Variants in SH3BP4 observed in about 807,000 individuals in gnomAD.
The protein encoded by SH3BP4 is SH3 domain binding protein 4.
In SH3BP4, 33 loss-of-function variants were observed where a neutral mutation model predicts 65.5. The ratio of observed to expected loss-of-function variants is 0.50; its 90% CI spans 0.38 to 0.67. The LOEUF is 0.67. Among genes scored for constraint, SH3BP4 ranks in the 30% least tolerant of loss-of-function variants. The pLI is 0.00. For missense variants in SH3BP4, 1,134 were observed against 1,261.4 expected, an observed-to-expected ratio of 0.90 and a Z score of 1.53; for synonymous variants, 552 against 545.5, an observed-to-expected ratio of 1.01 and a Z score of -0.17.
At position 235,041,828 on chromosome 2, in the gene SH3BP4, G is replaced by A; in HGVS notation, c.1059G>A (p.Gln353=). The change falls in exon 4 of 6, where the codon CAG becomes CAA. Residue 353 remains glutamine (Q), a synonymous_variant. Transcript: ENST00000392011. The surrounding 1 kb of genome is among the most constrained non-coding windows in gnomAD (Gnocchi z 6.0). ...ACGTCGCCCCTGGGGAGACCCAGCA[G>A]ATCTCCATGAAAGCCCTGCTGGACC... ...EGHVAPGETQ[Q]ISMKALLDPP... 1.9e-6 allele frequency: 3 copies of A among 1,600,804 alleles called. No homozygotes were observed. Among genetic ancestry groups the A allele is most frequent in the Non-Finnish European group, 2.6e-6 (3 of 1,172,528 alleles).
intron 1 of SH3BP4, among the ~76,000 whole-genome samples, chr2:234,957,791 G>T (rs1692621755): frequency 1.3e-5 from 2 of 152,012 alleles, no homozygotes; most frequent in Admixed American, 6.5e-5. Flanking sequence ...AGCTGAGGGG[G>T]TGCAGTTTGG....
intron 1 of SH3BP4, among the ~76,000 whole-genome samples, chr2:234,989,013 A>G (rs1369295655): frequency 6.6e-6 from 1 of 152,128 alleles, no homozygotes; most frequent in Non-Finnish European, 1.5e-5. Flanking sequence ...ATACGTTGTC[A>G]GTGTGTAAGT....
Position 235,042,955 on chromosome 2 carries a change from T to C in SH3BP4, c.2186T>C (p.Leu729Pro), listed in dbSNP as rs1025650535. Residue 729 changes from leucine (L) to proline (P), a missense_variant, in exon 4 of 6, where the codon CTG becomes CCG. Physicochemically the swap from Leu to Pro is moderately conservative, Grantham distance 98. Coordinates refer to ENST00000392011, the MANE Select transcript of SH3BP4 (RefSeq NM_014521.3). This position sits in a 1 kb window ranked among gnomAD's most constrained non-coding sequence, Gnocchi z 7.3. The part of the protein sequence containing the change: ...VLVVGRARPS[L>P]CSGPELSTSV... ...GTGGTCGGCAGGGCCCGGCCCAGCCTGTGCTCGGGCCCCGAGCTGAGCACC... is the reference window on the plus strand; with the variant it reads ...GTGGTCGGCAGGGCCCGGCCCAGCCCGTGCTCGGGCCCCGAGCTGAGCACC... 6.2e-7 allele frequency: 1 copy of C among 1,612,874 alleles called. No individual in the cohort carries two copies. The highest frequency in any genetic ancestry group is 1.3e-5 in the African/African-American group (1 of 74,904).
In SH3BP4 at chr2:235,016,901, A is replaced by G. The variant is rs114295327; in HGVS notation, c.-132-17970A>G. ...AATGCAGAGATGCGGGTTTCTGTCT[A>G]TGGGGGATGGGGATGCCACTTGACA... On this transcript the variant is annotated intron_variant, in intron 2 of 5. Transcript: ENST00000392011. Among the ~76,000 whole-genome samples, 870 of 152,262 alleles carry G rather than the reference A, an allele frequency of 5.7e-3. 9 individuals are homozygous for G. The highest frequency in any genetic ancestry group is 0.02 in the African/African-American group (824 of 41,544).
At position 235,045,111 on chromosome 2, in the gene SH3BP4, G is replaced by A. The variant is rs1246764075; in HGVS notation, c.2478+1864G>A. On this transcript the variant is annotated intron_variant, in intron 4 of 5. Coordinates refer to ENST00000392011, the MANE Select transcript of SH3BP4 (RefSeq NM_014521.3). This position sits in a 1 kb window ranked among gnomAD's most constrained non-coding sequence, Gnocchi z 4.3. ...TCCTGGCTCTCCAGAACCTGGTGCC[G>A]GGCCGTGGCCTGGTCTCCTCACGGG... 6.6e-6 allele frequency among the ~76,000 whole-genome samples: 1 copy of A among 152,176 alleles called. No individual in the cohort carries two copies. The highest frequency in any genetic ancestry group is 2.4e-5 in the African/African-American group (1 of 41,454).
chr2:235,055,447 C>G lies in SH3BP4; in HGVS notation c.*1631C>G, dbSNP rs1009078164. On this transcript the variant is annotated 3_prime_UTR_variant, in exon 6 of 6. Coordinates refer to ENST00000392011, the MANE Select transcript of SH3BP4 (RefSeq NM_014521.3). ...GCCAATCATCCCACCATATAACCTTCGATTGTGCTTCTCAACTCCACCCCA... is the reference window on the plus strand; with the variant it reads ...GCCAATCATCCCACCATATAACCTTGGATTGTGCTTCTCAACTCCACCCCA... The G allele has an allele frequency of 6.6e-6, 1 of 152,596 alleles. No homozygotes were observed. 9.5% of individuals were successfully genotyped at this position (152,596 alleles called of 1,614,324 possible).
intron 1 of SH3BP4, among the ~76,000 whole-genome samples, chr2:234,970,375 A>C (rs1452111808): frequency 6.6e-6 from 1 of 152,188 alleles, no homozygotes; most frequent in Non-Finnish European, 1.5e-5. Flanking sequence ...TAGAGATTCC[A>C]TTGGCCTGGA....
intron 1 of SH3BP4, among the ~76,000 whole-genome samples, chr2:234,966,985 C>T (rs949501408): frequency 1.3e-5 from 2 of 152,200 alleles, no homozygotes; most frequent in African/African-American, 2.4e-5. Context: ...ATGCATAACA[C>T]ATATATTGTG....
Position 235,042,904 on chromosome 2 carries a change from G to A in SH3BP4, c.2135G>A (p.Gly712Asp). 2 of 1,613,400 alleles carry A rather than the reference G, an allele frequency of 1.2e-6. No individual in the cohort carries two copies. Among genetic ancestry groups the A allele is most frequent in the South Asian group, 1.1e-5 (1 of 91,082 alleles). Residue 712 changes from glycine to aspartate, a missense_variant, in exon 4 of 6, where the codon GGC becomes GAC. Physicochemically the swap from Gly to Asp is moderately conservative, Grantham distance 94. Coordinates refer to ENST00000392011, the MANE Select transcript of SH3BP4 (RefSeq NM_014521.3). The surrounding 1 kb of genome is among the most constrained non-coding windows in gnomAD (Gnocchi z 7.3). ...ATCGGCTACTACCAGGGCAGGGTGG[G>A]CCTCGTGCACACCAAGAACGTGCTG... is the stretch of plus-strand genomic sequence containing the variant. ...WYIGYYQGRV[G>D]LVHTKNVLVV... is the part of the protein sequence containing the mutation.
At chr2:234,953,476 C>T (rs1459708727) in intron 1 of SH3BP4, among the ~76,000 whole-genome samples, 1 of 152,190 alleles carries the variant, frequency 6.6e-6, no homozygotes. Context: ...GAGTCCCCTT[C>T]CCAGTGGGCT....
chr2:235,022,614 A>G (rs1694878379), intron 2 of SH3BP4, among the ~76,000 whole-genome samples: 1 of 152,178 alleles, frequency 6.6e-6, no homozygotes, highest in African/African-American at 2.4e-5. Flanking sequence ...GAATCGAGAC[A>G]TTGACGGCCC....
chr2:234,964,447 C>T (rs540417871), intron 1 of SH3BP4, among the ~76,000 whole-genome samples: 79 of 152,324 alleles, frequency 5.2e-4, no homozygotes, highest in African/African-American at 1.6e-3. Flanking sequence ...CCAGATGCAG[C>T]GTCTGCCCAC....
intron 2 of SH3BP4, among the ~76,000 whole-genome samples, chr2:235,016,173 A>T (rs1162932492): frequency 1.4e-5 from 2 of 147,298 alleles, no homozygotes; most frequent in African/African-American, 5.0e-5. Context: ...AGGGGTAGTT[A>T]AGGTGGCCAC....
chr2:235,006,391 G>A (rs886575322), intron 2 of SH3BP4, among the ~76,000 whole-genome samples: 1 of 152,156 alleles, frequency 6.6e-6, no homozygotes, highest in Admixed American at 6.5e-5. Context: ...CTGTGGGGTA[G>A]CATTTTTTAG....
At chr2:234,961,013 A>C (rs1046847716) in intron 1 of SH3BP4, among the ~76,000 whole-genome samples, 20 of 152,120 alleles carry the variant, frequency 1.3e-4, no homozygotes, top group Non-Finnish European at 1.6e-4. Flanking sequence ...GACCTGGTTC[A>C]TTGCGGGGAC....
In SH3BP4 at chr2:235,041,887, G is replaced by A. The variant is rs1244631928; in HGVS notation, c.1118G>A (p.Ser373Asn). ...GAGCTCAACAGTGACAGGTCCTGCA[G>A]CATCAGCCCTGTGCTGGAGGTCAAG... ...PLELNSDRSC[S>N]ISPVLEVKLS... The change falls in exon 4 of 6, where the codon AGC becomes AAC. Residue 373 changes from serine (S) to asparagine (N), a missense_variant. By Grantham distance (46) the Ser-to-Asn change is conservative (BLOSUM62 1). Transcript: ENST00000392011. The surrounding 1 kb of genome is among the most constrained non-coding windows in gnomAD (Gnocchi z 6.0). 13 of 1,612,906 alleles carry A rather than the reference G, an allele frequency of 8.1e-6. No individual in the cohort carries two copies. Among genetic ancestry groups the A allele is most frequent in the African/African-American group, 2.7e-5 (2 of 74,922 alleles).
intron 2 of SH3BP4, among the ~76,000 whole-genome samples, chr2:234,998,101 C>T (rs1249994505): frequency 4.0e-5 from 6 of 151,888 alleles, no homozygotes; most frequent in East Asian, 3.9e-4. Flanking sequence ...CCAGCCTGGG[C>T]GACAGAGCGA....
intron 1 of SH3BP4, among the ~76,000 whole-genome samples, chr2:234,955,385 C>A (rs547138936): frequency 6.6e-6 from 1 of 152,242 alleles, no homozygotes; most frequent in South Asian, 2.1e-4. Context: ...AAAAACAATT[C>A]ATCTAGCCCC....
At chr2:234,981,262 C>T (rs1693374194) in intron 1 of SH3BP4, among the ~76,000 whole-genome samples, 1 of 152,142 alleles carries the variant, frequency 6.6e-6, no homozygotes, top group Non-Finnish European at 1.5e-5. Context: ...GGACTCGGCC[C>T]CTGTTTATCG....
Sources: gnomAD v4.1 joint callset for allele counts (sites outside exome capture counted in the v4.1 genomes callset) on GRCh38, gnomAD v4.1.1 for gene constraint, Gnocchi (gnomAD v3.1) non-coding constraint, MANE v1.5 for transcripts, NCBI Gene and HGNC (gene_info 2026-07-23, HGNC 2026-07-21) for gene names.